The following MTA1 variants were observed in gnomAD, a reference collection of about 807,000 sequenced individuals.
The protein encoded by MTA1 is metastasis associated 1, also known as metastasis-associated protein MTA1.
In MTA1, 15 loss-of-function variants were observed where a neutral mutation model predicts 97.0. That is an observed-to-expected ratio of 0.15 (90% CI 0.10 to 0.24). The LOEUF is 0.24. Among genes scored for constraint, MTA1 ranks in the 10% least tolerant of loss-of-function variants. The pLI, the probability that MTA1 is intolerant of heterozygous loss-of-function variation, is 1.00. For synonymous variants in MTA1, 435 were observed against 417.5 expected (o/e 1.04, Z -0.51); for missense variants, 709 against 1,015.1 (o/e 0.70, Z 4.10).
Position 105,458,340 on chromosome 14 carries a change from C to G in MTA1, c.621C>G (p.Asp207Glu). ...GGGAGGCGCACAACCCACTCACAGA[C>G]AAGCAGATCGACCAGTTCCTGGTGG... ...QVWEAHNPLT[D>E]KQIDQFLVVA... The change falls in exon 8 of 21, where the codon GAC becomes GAG. Residue 207 changes from aspartate to glutamate, a missense_variant. Transcript: ENST00000331320. The G allele has an allele frequency of 6.2e-7, 1 of 1,612,774 alleles. No homozygotes were observed. Among genetic ancestry groups the G allele is most frequent in the Non-Finnish European group, 8.5e-7 (1 of 1,179,944 alleles).
At chr14:105,430,915 A>G (rs2082158584) in intron 1 of MTA1, among the ~76,000 whole-genome samples, 1 of 152,198 alleles carries the variant, frequency 6.6e-6, no homozygotes, top group African/African-American at 2.4e-5. Flanking sequence ...GATTCCAGTT[A>G]TTATGTGGCT....
chr14:105,470,378 C>A lies in MTA1; in HGVS notation c.*163C>A. On this transcript the variant is annotated 3_prime_UTR_variant, in exon 21 of 21. Coordinates refer to ENST00000331320, the MANE Select transcript of MTA1 (RefSeq NM_004689.4). ...GACACTGGGGGAGGAGAGGAAGAAG[C>A]GCGGCTAACTTATTCCGAGAATGCC... 1.8e-6 allele frequency: 1 copy of A among 569,040 alleles called. No individual in the cohort carries two copies. The highest frequency in any genetic ancestry group is 2.8e-6 in the Non-Finnish European group (1 of 353,242). 35.2% of individuals were successfully genotyped at this position (569,040 alleles called of 1,614,324 possible).
intron 4 of MTA1, among the ~76,000 whole-genome samples, chr14:105,449,730 G>T (rs587750833): frequency 6.6e-6 from 1 of 152,178 alleles, no homozygotes; most frequent in South Asian, 2.1e-4. Flanking sequence ...CGACTCCCCC[G>T]CTCCTCTTGC....
intron 1 of MTA1, among the ~76,000 whole-genome samples, chr14:105,431,550 C>G (rs1381541061): frequency 6.6e-6 from 1 of 152,202 alleles, no homozygotes; most frequent in African/African-American, 2.4e-5. Flanking sequence ...GTTAAACATA[C>G]AAAGTGCCAA....
chr14:105,460,528 C>G, intron 9 of MTA1, 71 bp downstream of exon 9: 1 of 1,426,416 alleles, frequency 7.0e-7, no homozygotes, highest in South Asian at 1.3e-5. Flanking sequence ...CGCCCTTCTT[C>G]CTACCAGGGC....
Position 105,419,913 on chromosome 14 carries a change from G to T in MTA1, c.-123G>T. The T allele has an allele frequency of 3.7e-6, 1 of 267,556 alleles. No homozygotes were observed. The highest frequency in any genetic ancestry group is 5.7e-6 in the Non-Finnish European group (1 of 176,032). The allele number at this position is 267,556 out of a possible 1,614,324, so 16.6% of individuals were successfully genotyped here. The stretch of plus-strand genomic sequence containing the variant: ...GGCGGCGGCGGCGGCGGCGGCGGCA[G>T]CAGCGCGGCCCCTTTAAACGCCTGC... On this transcript the variant is annotated 5_prime_UTR_variant, in exon 1 of 21. Transcript: ENST00000331320.
intron 18 of MTA1, 101 bp downstream of exon 18, chr14:105,466,843 T>A: frequency 8.0e-7 from 1 of 1,256,732 alleles, no homozygotes; most frequent in Non-Finnish European, 1.1e-6. Context: ...GGGCCCATGC[T>A]TGGGGCAGTC....
Position 105,450,197 on chromosome 14 carries a change from A to C in MTA1, c.368+13A>C. Reference sequence around the variant, plus strand: ...CCACGCACATCAGGTAGCCCCCAGCAGCTCCCGCCCTGGGCCCCTCGGGCT... The same window carrying C: ...CCACGCACATCAGGTAGCCCCCAGCCGCTCCCGCCCTGGGCCCCTCGGGCT... On this transcript the variant is annotated intron_variant, in intron 5 of 20. Transcript: ENST00000331320. 1 of 1,612,496 alleles carries C rather than the reference A, an allele frequency of 6.2e-7. No individual in the cohort carries two copies. The highest frequency in any genetic ancestry group is 8.5e-7 in the Non-Finnish European group (1 of 1,179,540).
intron 1 of MTA1, among the ~76,000 whole-genome samples, chr14:105,426,267 C>T (rs1026448439): frequency 6.6e-6 from 1 of 150,522 alleles, no homozygotes; most frequent in Non-Finnish European, 1.5e-5. Context: ...GCAGCGGCAG[C>T]GGCTCCTGGT....
At position 105,470,282 on chromosome 14, in the gene MTA1, C is replaced by A; in HGVS notation, c.*67C>A. 3.8e-6 allele frequency: 5 copies of A among 1,317,938 alleles called. No homozygotes were observed. The highest frequency in any genetic ancestry group is 3.9e-6 in the Non-Finnish European group (4 of 1,023,116). 81.6% of individuals were successfully genotyped at this position (1,317,938 alleles called of 1,614,324 possible). ...CCACACGGCCCCTTCCCAGCCAGCC[C>A]GCCGCCCGCCCCTCAGTTTGGTAGT... On this transcript the variant is annotated 3_prime_UTR_variant, in exon 21 of 21. Coordinates refer to ENST00000331320, the MANE Select transcript of MTA1 (RefSeq NM_004689.4).
At position 105,464,089 on chromosome 14, in the gene MTA1, C is replaced by A; in HGVS notation, c.1134C>A (p.Asn378Lys). 6.2e-7 allele frequency: 1 copy of A among 1,612,256 alleles called. No individual in the cohort carries two copies. The highest frequency in any genetic ancestry group is 8.5e-7 in the Non-Finnish European group (1 of 1,179,684). ...ACAACGTCAAGGCCGGTGTGGTGAA[C>A]GGCACGGGGGCGCCGGGCCAGAGCC... ...SVNNVKAGVV[N>K]GTGAPGQSPG... The change falls in exon 13 of 21, where the codon AAC (asparagine) becomes AAA (lysine). Residue 378 changes from asparagine (N) to lysine (K), a missense_variant. Asn to Lys is a moderately conservative substitution (Grantham distance 94, BLOSUM62 0). Transcript: ENST00000331320.
At chr14:105,469,014 CG>C (rs1347125992) in intron 18 of MTA1, 14 of 356,180 alleles carry the variant, frequency 3.9e-5, no homozygotes, top group Non-Finnish European at 6.2e-5. Flanking sequence ...TGTTTCTGGC[CG>C]GGGCTGGCGG....
At chr14:105,461,018 G>T (rs976326147) in intron 10 of MTA1, 65 bp downstream of exon 10, 2 of 1,498,454 alleles carry the variant, frequency 1.3e-6, no homozygotes, top group Non-Finnish European at 9.1e-7. Flanking sequence ...GGCTGCGGGG[G>T]TGTGGGCTCC....
rs781930802 is a variant in MTA1, at chr14:105,469,499, G to A, written c.1845+1G>A. The stretch of plus-strand genomic sequence containing the variant: ...AAACCACGGACAGGCCAGGCACATG[G>A]TAAGAGGAACAACCCATGATGGGGT... On this transcript the variant is annotated splice_donor_variant, in intron 19 of 20. Coordinates refer to ENST00000331320, the MANE Select transcript of MTA1 (RefSeq NM_004689.4). LOFTEE classifies it high-confidence loss of function. 6.2e-7 allele frequency: 1 copy of A among 1,612,742 alleles called. No homozygotes were observed. The highest frequency in any genetic ancestry group is 8.5e-7 in the Non-Finnish European group (1 of 1,179,744).
Position 105,465,136 on chromosome 14 carries a change from T to C in MTA1, c.1577T>C (p.Leu526Pro), listed in dbSNP as rs782473382. Residue 526 changes from leucine (L) to proline (P), a missense_variant, in exon 16 of 21, where the codon CTG becomes CCG. Physicochemically the swap from Leu to Pro is moderately conservative, Grantham distance 98 (BLOSUM62 -3). This residue lies in a region of MTA1 where 388 missense variants were observed against 421.6 expected (regional missense o/e 0.92). Transcript: ENST00000331320. Reference protein sequence around the residue: ...LPEASQSPLVLKQAVRKPLEA... With the variant: ...LPEASQSPLVPKQAVRKPLEA... ...GAAGCCTCCCAGAGCCCGCTGGTGCTGAAGCAGGCGGTACGCAAGCCGCTG... is the reference window on the plus strand; with the variant it reads ...GAAGCCTCCCAGAGCCCGCTGGTGCCGAAGCAGGCGGTACGCAAGCCGCTG... 21 of 1,524,402 alleles carry C rather than the reference T, an allele frequency of 1.4e-5. No homozygotes were observed. Among genetic ancestry groups the C allele is most frequent in the Non-Finnish European group, 1.8e-6 (2 of 1,131,862 alleles). The allele number at this position is 1,524,402 out of a possible 1,614,324, so 94.4% of individuals were successfully genotyped here.
intron 1 of MTA1, among the ~76,000 whole-genome samples, chr14:105,429,504 T>A (rs1353850691): frequency 6.7e-6 from 1 of 149,574 alleles, no homozygotes; most frequent in Non-Finnish European, 1.5e-5. Flanking sequence ...CAGGCTGGAG[T>A]GCAGTGGCAC....
chr14:105,454,243 G>A lies in MTA1; in HGVS notation c.483G>A (p.Leu161=), dbSNP rs1268488008. The part of the protein sequence containing the change: ...LVYDPQQKTL[L]ADKGEIRVGN... ...ACGACCCACAGCAGAAGACCCTGCT[G>A]GCAGATAAAGGAGAGATTCGAGTAG... Residue 161 remains leucine (L), a synonymous_variant, in exon 7 of 21, where the codon CTG becomes CTA. Transcript: ENST00000331320. 5.6e-6 allele frequency: 9 copies of A among 1,613,648 alleles called. No individual in the cohort carries two copies. The highest frequency in any genetic ancestry group is 7.6e-6 in the Non-Finnish European group (9 of 1,179,784).
rs782155773 is a variant in MTA1 at position 105,464,578 on chromosome 14, G to T, written c.1344+11G>T. 6.2e-7 allele frequency: 1 copy of T among 1,612,588 alleles called. No homozygotes were observed. The highest frequency in any genetic ancestry group is 8.5e-7 in the Non-Finnish European group (1 of 1,179,758). On this transcript the variant is annotated intron_variant, in intron 14 of 20. Transcript: ENST00000331320. Reference sequence around the variant, plus strand: ...AACCGCAGTAACATGGTAAGGGGGGGGACACCCGCCCTGCCTGCCATGAGC... The same window carrying T: ...AACCGCAGTAACATGGTAAGGGGGGTGACACCCGCCCTGCCTGCCATGAGC...
intron 1 of MTA1, among the ~76,000 whole-genome samples, chr14:105,421,735 G>T (rs2081843312): frequency 6.6e-6 from 1 of 152,244 alleles, no homozygotes; most frequent in Non-Finnish European, 1.5e-5. Context: ...TGGCAGCTGT[G>T]CTGTGGCTGA....
Sources: allele counts gnomAD v4.1 joint callset (sites outside exome capture counted in the v4.1 genomes callset), GRCh38; gene constraint gnomAD v4.1.1; regional missense constraint gnomAD v4.1.1; transcripts MANE v1.5; gene names NCBI Gene and HGNC (gene_info 2026-07-23, HGNC 2026-07-21).